The following BTBD10 variants were observed in gnomAD, a reference collection of about 807,000 sequenced individuals.
BTBD10 encodes BTB/POZ domain-containing protein 10.
In BTBD10, 21 loss-of-function variants were observed where a neutral mutation model predicts 53.2. The observed-to-expected ratio is 0.39, with a 90% confidence interval of 0.28 to 0.57. The LOEUF (loss-of-function observed/expected upper bound fraction) is 0.57. BTBD10 is among the 20% of genes least tolerant of loss of function. BTBD10 has a pLI of 0.53. For missense variants in BTBD10, 360 were observed against 594.7 expected, an observed-to-expected ratio of 0.61 and a Z score of 4.10; for synonymous variants, 149 against 192.7, an observed-to-expected ratio of 0.77 and a Z score of 1.88.
At chr11:13,419,089 T>C (rs1255496163) in intron 4 of BTBD10, among the ~76,000 whole-genome samples, 1 of 152,082 alleles carries the variant, frequency 6.6e-6, no homozygotes, top group Non-Finnish European at 1.5e-5. Flanking sequence ...ATTGTTTATA[T>C]TTTGTGATTG....
intron 3 of BTBD10, among the ~76,000 whole-genome samples, chr11:13,420,697 A>C (rs922550060): frequency 2.0e-5 from 3 of 152,138 alleles, no homozygotes; most frequent in Admixed American, 2.0e-4. Flanking sequence ...TAGGTTTGAC[A>C]TATCTCCAGA....
At chr11:13,419,193 T>C (rs1228072585) in intron 4 of BTBD10, among the ~76,000 whole-genome samples, 1 of 152,170 alleles carries the variant, frequency 6.6e-6, no homozygotes, top group African/African-American at 2.4e-5. Flanking sequence ...TATTTTAGTA[T>C]CCTGACTTCA....
At chr11:13,403,334 C>T in intron 7 of BTBD10, 56 bp from the exon 8 acceptor site, 1 of 1,013,194 alleles carries the variant, frequency 9.9e-7, no homozygotes. Context: ...TAGAGATGAA[C>T]TTAAATTTAT....
At chr11:13,397,508 AT>A (rs562699409) in intron 8 of BTBD10, among the ~76,000 whole-genome samples, 2 of 152,000 alleles carry the variant, frequency 1.3e-5, no homozygotes, top group Admixed American at 6.6e-5. Context: ...GGATTCATTG[AT>A]TTTTTGAAGG....
At chr11:13,441,698 CA>C (rs1268629631) in intron 2 of BTBD10, among the ~76,000 whole-genome samples, 10 of 151,852 alleles carry the variant, frequency 6.6e-5, no homozygotes, top group African/African-American at 2.4e-4. Flanking sequence ...CAGGCTATTC[CA>C]AAACATAAAT....
intron 6 of BTBD10, among the ~76,000 whole-genome samples, chr11:13,411,762 T>C (rs1949952240): frequency 6.6e-6 from 1 of 152,132 alleles, no homozygotes; most frequent in Admixed American, 6.5e-5. Flanking sequence ...TAAAGATTAA[T>C]TTAAATGGTC....
intron 1 of BTBD10, among the ~76,000 whole-genome samples, chr11:13,446,711 C>T (rs1037962423): frequency 2.0e-5 from 3 of 151,950 alleles, no homozygotes; most frequent in Admixed American, 6.6e-5. Context: ...TTAAGAATGA[C>T]TGTATCATAA....
rs1950135251 is a variant in BTBD10 at position 13,417,199 on chromosome 11, C to T, written c.646G>A (p.Val216Met). The change falls in exon 5 of 9, where the codon GTG (valine) becomes ATG (methionine). Residue 216 changes from valine (V) to methionine (M), a missense_variant. Coordinates refer to ENST00000278174, the MANE Select transcript of BTBD10 (RefSeq NM_032320.7). ...TRPNEKGEYE[V>M]AEGIGSTVFR... ...ACAGTGGAACCAATTCCCTCTGCCA[C>T]CTCATACTCTCCTTTCTCATTGGGT... 1 of 1,613,576 alleles carries T rather than the reference C, an allele frequency of 6.2e-7. No homozygotes were observed. Among genetic ancestry groups the T allele is most frequent in the Non-Finnish European group, 8.5e-7 (1 of 1,179,820 alleles).
intron 2 of BTBD10, among the ~76,000 whole-genome samples, chr11:13,444,681 T>C (rs1950721756): frequency 6.6e-6 from 1 of 152,146 alleles, no homozygotes; most frequent in South Asian, 2.1e-4. Flanking sequence ...ATACAATGTA[T>C]TTAGAGCACA....
intron 6 of BTBD10, among the ~76,000 whole-genome samples, chr11:13,409,490 G>A (rs923071698): frequency 6.6e-6 from 1 of 152,006 alleles, no homozygotes; most frequent in Non-Finnish European, 1.5e-5. Context: ...CATAAATTTT[G>A]TTTCCTCTTT....
intron 2 of BTBD10, among the ~76,000 whole-genome samples, chr11:13,426,433 A>G (rs1467609692): frequency 6.6e-6 from 1 of 152,158 alleles, no homozygotes; most frequent in African/African-American, 2.4e-5. Flanking sequence ...CAAAAAAATG[A>G]AGACTACTAG....
chr11:13,421,521 A>T (rs1950241918), intron 3 of BTBD10, 121 bp downstream of exon 3: 1 of 802,414 alleles, frequency 1.2e-6, no homozygotes, highest in South Asian at 2.5e-5. Flanking sequence ...AACAGAAACA[A>T]CTGAATAGAA....
intron 8 of BTBD10, among the ~76,000 whole-genome samples, chr11:13,398,107 CTG>C (rs1162562030): frequency 6.6e-6 from 1 of 152,146 alleles, no homozygotes; most frequent in Non-Finnish European, 1.5e-5. Context: ...TGTTAACTTT[CTG>C]TCTCATTGAT....
rs560189236 is a variant in BTBD10 at position 13,411,625 on chromosome 11, C to G, written c.808+1905G>C. On this transcript the variant is annotated intron_variant, in intron 6 of 8. Coordinates refer to ENST00000278174, the MANE Select transcript of BTBD10 (RefSeq NM_032320.7). ...TTTAATCTGTAACAAATAAAAGATA[C>G]TTAGTAGTAATGACAAGGTAAACTA... 9.2e-5 allele frequency among the ~76,000 whole-genome samples: 14 copies of G among 152,094 alleles called. No homozygotes were observed. In the East Asian group the frequency reaches 2.7e-3, roughly 29 times the overall value.
intron 1 of BTBD10, among the ~76,000 whole-genome samples, chr11:13,445,767 C>T (rs1950740148): frequency 1.3e-5 from 2 of 152,126 alleles, no homozygotes; most frequent in Admixed American, 1.3e-4. Flanking sequence ...AATTCATATA[C>T]TTTATGCCTT....
At chr11:13,428,217 C>T (rs948267347) in intron 2 of BTBD10, among the ~76,000 whole-genome samples, 2 of 152,034 alleles carry the variant, frequency 1.3e-5, no homozygotes, top group East Asian at 3.8e-4. Context: ...TCAGAATGGA[C>T]AAATTTAAAC....
At chr11:13,394,144 C>T (rs1949475330) in intron 8 of BTBD10, among the ~76,000 whole-genome samples, 2 of 151,982 alleles carry the variant, frequency 1.3e-5, no homozygotes, top group South Asian at 4.1e-4. Context: ...AAAATAATAC[C>T]GCACAAAGGA....
At position 13,388,477 on chromosome 11, in the gene BTBD10, T is replaced by C. The variant is rs576022722; in HGVS notation, c.*354A>G. ...CAACTATATATTACTCTGCATTTTA[T>C]CTGAGGTGTGATGAATATCAGTCCA... is the stretch of plus-strand genomic sequence containing the variant. On this transcript the variant is annotated 3_prime_UTR_variant, in exon 9 of 9. Transcript: ENST00000278174. 2 of 198,046 alleles carry C rather than the reference T, an allele frequency of 1.0e-5. No individual in the cohort carries two copies. Among genetic ancestry groups the C allele is most frequent in the East Asian group, 2.3e-4 (2 of 8,812 alleles). 12.3% of individuals were successfully genotyped at this position (198,046 alleles called of 1,614,324 possible).
At chr11:13,395,791 A>G (rs1030499590) in intron 8 of BTBD10, among the ~76,000 whole-genome samples, 12 of 152,216 alleles carry the variant, frequency 7.9e-5, no homozygotes, top group African/African-American at 2.9e-4. Context: ...TCTATTAAAT[A>G]GGGAATCCTT....
Sources: gnomAD v4.1 joint callset for allele counts (sites outside exome capture counted in the v4.1 genomes callset) on GRCh38, gnomAD v4.1.1 for gene constraint, MANE v1.5 for transcripts, NCBI Gene and HGNC (gene_info 2026-07-23, HGNC 2026-07-21) for gene names.